Variants in CEP85L observed in about 807,000 individuals in gnomAD.
CEP85L encodes the protein centrosomal protein of 85 kDa-like.
Under a neutral mutation model 100.3 loss-of-function variants are expected in CEP85L, and 60 were observed. The ratio of observed to expected loss-of-function variants is 0.60; its 90% confidence interval spans 0.49 to 0.74. The LOEUF is 0.74. Among genes scored for constraint, CEP85L ranks in the 30% least tolerant of loss-of-function variants. The pLI, the probability that CEP85L is intolerant of heterozygous loss-of-function variation, is 0.00. For missense variants in CEP85L, 973 were observed against 936.2 expected (o/e 1.04, Z -0.51); for synonymous variants, 319 against 322.7 (o/e 0.99, Z 0.12).
At chr6:118,567,934 A>G (rs1326312653) in intron 2 of CEP85L, among the ~76,000 whole-genome samples, 1 of 152,212 alleles carries the variant, frequency 6.6e-6, no homozygotes. Flanking sequence ...TTCTGAAGAA[A>G]CTTCCTGCAT....
intron 3 of CEP85L, among the ~76,000 whole-genome samples, chr6:118,541,045 A>G (rs1777879295): frequency 6.6e-6 from 1 of 152,194 alleles, no homozygotes; most frequent in Non-Finnish European, 1.5e-5. Context: ...TTTTCAAGTT[A>G]GCTAAGGGAA....
rs773520639 is a variant in CEP85L at position 118,558,873 on chromosome 6, T to C, written c.1020+6656A>G. On this transcript the variant is annotated intron_variant, in intron 3 of 12. Coordinates refer to ENST00000368491, the MANE Select transcript of CEP85L (RefSeq NM_001042475.3). ...CTCATATTTGGCTGCCAGCTTTTTA[T>C]CTTTCTCTCGACCACTTAAAACTTC... The C allele has an allele frequency of 3.4e-6, 5 of 1,490,630 alleles. No individual in the cohort carries two copies. The South Asian group carries it at 5.7e-5, about 17-fold the overall frequency. The allele number at this position is 1,490,630 out of a possible 1,614,324, so 92.3% of individuals were successfully genotyped here. A position where few individuals can be genotyped will look rare whatever the true frequency, so the allele number is the denominator to read the frequency against.
At chr6:118,647,363 G>A (rs1562337029) in intron 1 of CEP85L, among the ~76,000 whole-genome samples, 1 of 151,924 alleles carries the variant, frequency 6.6e-6, no homozygotes, top group African/African-American at 2.4e-5. Context: ...ATATGTTTTC[G>A]CTTTTGTTTT....
intron 1 of CEP85L, among the ~76,000 whole-genome samples, chr6:118,642,633 G>A (rs1184326929): frequency 6.6e-6 from 1 of 152,146 alleles, no homozygotes; most frequent in African/African-American, 2.4e-5. Context: ...GCTTTCTTGG[G>A]TTGGGCACGG....
chr6:118,519,484 G>GTTGTGAAACTCCGT, intron 4 of CEP85L, among the ~76,000 whole-genome samples: 1 of 80,398 alleles, frequency 1.2e-5, no homozygotes, highest in Non-Finnish European at 2.6e-5. Context: ...GGCGGGGGGG[G>GTTGTGAAACTCCGT]GTTGTGAAAC....
chr6:118,535,883 T>C (rs1378261647), intron 3 of CEP85L, among the ~76,000 whole-genome samples: 1 of 152,122 alleles, frequency 6.6e-6, no homozygotes, highest in African/African-American at 2.4e-5. Flanking sequence ...ATAGATTTAA[T>C]TTATTAAAGG....
rs531096283 is a variant in CEP85L, at chr6:118,530,857, T to C, written c.1021-6937A>G. On this transcript the variant is annotated intron_variant, in intron 3 of 12. Coordinates refer to ENST00000368491, the MANE Select transcript of CEP85L (RefSeq NM_001042475.3). ...AACACTGCTGAAAGAAATGAGATGA[T>C]TCCAAAAAAAAAAAAGGAAAAACAA... is the stretch of plus-strand genomic sequence containing the variant. Among the ~76,000 whole-genome samples, 5 of 71,606 alleles carry C rather than the reference T, an allele frequency of 7.0e-5. No homozygotes were observed. The East Asian group carries it at 1.2e-3, about 17-fold the overall frequency. 47.0% of individuals were successfully genotyped at this position (71,606 alleles called of 152,430 possible). A position where few individuals can be genotyped will look rare whatever the true frequency, so the allele number is the denominator to read the frequency against.
intron 2 of CEP85L, among the ~76,000 whole-genome samples, chr6:118,607,747 C>T (rs963200210): frequency 3.3e-5 from 5 of 152,106 alleles, no homozygotes; most frequent in Non-Finnish European, 7.3e-5. Context: ...ACTACTTACC[C>T]AAAGTTGTCC....
chr6:118,557,071 T>C (rs1778922849), intron 3 of CEP85L, among the ~76,000 whole-genome samples: 1 of 152,152 alleles, frequency 6.6e-6, no homozygotes, highest in Non-Finnish European at 1.5e-5. Context: ...TACTATGTGT[T>C]CCAAGCTTGA....
At chr6:118,670,679 A>G (rs1776277392) in intron 1 of CEP85L, among the ~76,000 whole-genome samples, 1 of 152,196 alleles carries the variant, frequency 6.6e-6, no homozygotes, top group Admixed American at 6.5e-5. Context: ...AACAAGAAAA[A>G]TAGACAGTTT....
At chr6:118,669,322 GTGAT>G (rs1402579004) in intron 1 of CEP85L, among the ~76,000 whole-genome samples, 7 of 152,276 alleles carry the variant, frequency 4.6e-5, no homozygotes, top group Middle Eastern at 3.4e-3. Flanking sequence ...ACAGCCTCTG[GTGAT>G]TTACCTTATA....
At chr6:118,523,957 T>C in intron 3 of CEP85L, 37 bp from the exon 4 acceptor site, 10 of 841,724 alleles carry the variant, frequency 1.2e-5, no homozygotes, top group Non-Finnish European at 1.6e-5. Flanking sequence ...TATACTAAAA[T>C]ATTTAAAGAA....
intron 1 of CEP85L, among the ~76,000 whole-genome samples, chr6:118,650,763 C>A (rs1258160505): frequency 2.0e-5 from 3 of 152,176 alleles, no homozygotes; most frequent in Non-Finnish European, 4.4e-5. Flanking sequence ...CGCGGAACTG[C>A]GGCCCCTCCG....
chr6:118,632,268 C>T (rs1194425682), intron 2 of CEP85L, among the ~76,000 whole-genome samples, 185 bp downstream of exon 2: 2 of 152,120 alleles, frequency 1.3e-5, no homozygotes, highest in African/African-American at 4.8e-5. Context: ...GGATTATAGG[C>T]ATGAGCCACC....
chr6:118,632,748 A>G (rs925616211), intron 1 of CEP85L, 137 bp from the exon 2 acceptor site: 2 of 569,588 alleles, frequency 3.5e-6, no homozygotes, highest in Non-Finnish European at 5.8e-6. Flanking sequence ...TAAAATGATC[A>G]ACAAAATTAA....
intron 3 of CEP85L, among the ~76,000 whole-genome samples, chr6:118,546,278 A>G (rs1410302322): frequency 1.3e-5 from 2 of 152,198 alleles, no homozygotes; most frequent in Non-Finnish European, 2.9e-5. Flanking sequence ...ACTGTGTCAC[A>G]CACAGTTGTT....
intron 5 of CEP85L, among the ~76,000 whole-genome samples, chr6:118,492,440 G>T (rs1244583185): frequency 6.6e-6 from 1 of 152,098 alleles, no homozygotes; most frequent in East Asian, 1.9e-4. Flanking sequence ...CACAAAATAA[G>T]TACTCACAAA....
At chr6:118,692,217 G>A (rs1329727280) in intron 1 of CEP85L, among the ~76,000 whole-genome samples, 1 of 152,118 alleles carries the variant, frequency 6.6e-6, no homozygotes, top group East Asian at 1.9e-4. Context: ...AACTGAAGAC[G>A]AATAAGCTAT....
At chr6:118,613,503 T>C (rs1402357447) in intron 2 of CEP85L, among the ~76,000 whole-genome samples, 1 of 152,078 alleles carries the variant, frequency 6.6e-6, no homozygotes, top group African/African-American at 2.4e-5. Flanking sequence ...ACGCCTGTAA[T>C]CCTAGTACTT....
Sources: gnomAD v4.1 joint callset for allele counts (sites outside exome capture counted in the v4.1 genomes callset) on GRCh38, gnomAD v4.1.1 for gene constraint, MANE v1.5 for transcripts, NCBI Gene and HGNC (gene_info 2026-07-23, HGNC 2026-07-21) for gene names.